Variants in CELF2 observed in about 807,000 individuals in gnomAD.
The protein encoded by CELF2 is CUGBP Elav-like family member 2.
Under a neutral mutation model 62.6 loss-of-function variants are expected in CELF2, and 8 were observed. The observed-to-expected ratio is 0.13, with a 90% confidence interval of 0.07 to 0.23. The LOEUF (loss-of-function observed/expected upper bound fraction) is 0.23. CELF2 is among the 10% of genes least tolerant of loss of function. The pLI is 1.00. For missense variants in CELF2, 333 were observed against 671.0 expected, an observed-to-expected ratio of 0.50 and a Z score of 5.56; for synonymous variants, 258 against 250.0, an observed-to-expected ratio of 1.03 and a Z score of -0.30.
chr10:10,605,930 G>C, the CELF2 span, among the ~76,000 whole-genome samples: 1 of 152,200 alleles, frequency 6.6e-6, no homozygotes, highest in Non-Finnish European at 1.5e-5. Flanking sequence ...AGAAGCATTT[G>C]CATCATGTGC....
At position 11,156,152 on chromosome 10, in the gene CELF2, C is replaced by G. The variant is rs2064334697; in HGVS notation, c.75-9334C>G. ...AGGATAGCCAGAATCAGGACAGTGGCTGTTCAGGGACAAGTGGACCCAGCG... is the reference window on the plus strand; with the variant it reads ...AGGATAGCCAGAATCAGGACAGTGGGTGTTCAGGGACAAGTGGACCCAGCG... On this transcript the variant is annotated intron_variant, in intron 1 of 12. Transcript: ENST00000633077. The surrounding 1 kb of genome is among the most constrained non-coding windows in gnomAD (Gnocchi z 4.3). 2.6e-5 allele frequency among the ~76,000 whole-genome samples: 4 copies of G among 152,120 alleles called. No homozygotes were observed. Among genetic ancestry groups the G allele is most frequent in the African/African-American group, 9.7e-5 (4 of 41,416 alleles).
chr10:11,009,373 G>A (rs868130300), intron 1 of CELF2, among the ~76,000 whole-genome samples: 6 of 151,964 alleles, frequency 3.9e-5, no homozygotes, highest in South Asian at 2.1e-4. Flanking sequence ...GCGTGCGCGC[G>A]TCGGAACCTC....
chr10:10,713,778 T>A, the CELF2 span, among the ~76,000 whole-genome samples: 1 of 152,220 alleles, frequency 6.6e-6, no homozygotes, highest in Admixed American at 6.5e-5. Context: ...CTCATGCCTG[T>A]ATTCCCAGCA....
At chr10:10,812,332 C>G (rs1264003600) in intron 1 of CELF2, among the ~76,000 whole-genome samples, 1 of 152,132 alleles carries the variant, frequency 6.6e-6, no homozygotes. Context: ...GAAACTGCCC[C>G]CATGATTCAA....
chr10:10,607,261 A>G, the CELF2 span, among the ~76,000 whole-genome samples: 1 of 152,178 alleles, frequency 6.6e-6, no homozygotes, highest in African/African-American at 2.4e-5. Flanking sequence ...TTTGTTCAGG[A>G]ATTTCATTTT....
At chr10:10,464,776 A>C in the CELF2 span, among the ~76,000 whole-genome samples, 2 of 152,208 alleles carry the variant, frequency 1.3e-5, no homozygotes, top group Non-Finnish European at 2.9e-5. Flanking sequence ...TGCTGTAGTT[A>C]AAATGATGCT....
chr10:10,534,195 C>T, the CELF2 span, among the ~76,000 whole-genome samples: 2 of 131,710 alleles, frequency 1.5e-5, no homozygotes, highest in East Asian at 2.2e-4. Flanking sequence ...AAGCCAGATT[C>T]GAAGAGGTGA....
intron 1 of CELF2, among the ~76,000 whole-genome samples, chr10:11,129,997 C>T (rs1034764296): frequency 6.6e-6 from 1 of 152,190 alleles, no homozygotes; most frequent in African/African-American, 2.4e-5. Flanking sequence ...CCTGCTTTCT[C>T]TTGTGGGCAT....
At chr10:11,108,194 C>T (rs917512138) in intron 1 of CELF2, among the ~76,000 whole-genome samples, 4 of 144,128 alleles carry the variant, frequency 2.8e-5, no homozygotes, top group Admixed American at 7.3e-5. Flanking sequence ...ATTTTGTTTT[C>T]CCCACAGCCC....
the CELF2 span, among the ~76,000 whole-genome samples, chr10:10,748,703 G>A: frequency 3.5e-3 from 478 of 138,022 alleles, 3 homozygotes; most frequent in African/African-American, 0.012. Context: ...AGCCGAGGTT[G>A]TGCCACTACA....
the CELF2 span, among the ~76,000 whole-genome samples, chr10:10,672,650 T>C: frequency 6.6e-6 from 1 of 152,166 alleles, no homozygotes; most frequent in Non-Finnish European, 1.5e-5. Flanking sequence ...GGTCTATTGA[T>C]CTATTTATTT....
intron 1 of CELF2, among the ~76,000 whole-genome samples, chr10:11,056,389 G>A (rs915948078): frequency 6.6e-6 from 1 of 152,164 alleles, no homozygotes; most frequent in Non-Finnish European, 1.5e-5. Flanking sequence ...AGCTTGCTCT[G>A]TAGTTGATAA....
At chr10:10,918,980 CAA>C (rs914727924) in intron 1 of CELF2, among the ~76,000 whole-genome samples, 4 of 152,064 alleles carry the variant, frequency 2.6e-5, no homozygotes, top group Non-Finnish European at 4.4e-5. Flanking sequence ...GATTGAAAGA[CAA>C]GAGATGGGCC....
chr10:10,929,976 A>T (rs1463837118), intron 2 of CELF2, among the ~76,000 whole-genome samples: 2 of 152,254 alleles, frequency 1.3e-5, no homozygotes, highest in Admixed American at 1.3e-4. Context: ...ACTTAAAGGA[A>T]GTATATATGC....
At chr10:10,726,710 C>T in the CELF2 span, among the ~76,000 whole-genome samples, 3 of 152,140 alleles carry the variant, frequency 2.0e-5, no homozygotes, top group Non-Finnish European at 4.4e-5. Flanking sequence ...TAGTTTCCTA[C>T]CTTTATAAGC....
intron 1 of CELF2, among the ~76,000 whole-genome samples, chr10:10,871,775 C>T (rs1160973594): frequency 6.6e-6 from 1 of 152,100 alleles, no homozygotes; most frequent in East Asian, 1.9e-4. Context: ...ATGGGCTTTC[C>T]AGGGACCACT....
At position 11,300,820 on chromosome 10, in the gene CELF2, G is replaced by A. The variant is rs1223772399; in HGVS notation, c.976+12268G>A. On this transcript the variant is annotated intron_variant, in intron 9 of 12. Coordinates refer to ENST00000633077, the MANE Select transcript of CELF2 (RefSeq NM_001326342.2). This position sits in a 1 kb window ranked among gnomAD's most constrained non-coding sequence, Gnocchi z 5.5. ...CTGAGTATGTTTGGTCAATGCAGGC[G>A]ATTTTCTCCGTGTTTACAATGATTT... is the stretch of plus-strand genomic sequence containing the variant. 6.6e-6 allele frequency among the ~76,000 whole-genome samples: 1 copy of A among 152,248 alleles called. No homozygotes were observed. The highest frequency in any genetic ancestry group is 1.9e-4 in the East Asian group (1 of 5,178).
the CELF2 span, among the ~76,000 whole-genome samples, chr10:10,508,910 G>A: frequency 3.3e-5 from 5 of 152,044 alleles, no homozygotes; most frequent in South Asian, 2.1e-4. Flanking sequence ...TCCTGACCTC[G>A]TGATCCACTC....
the CELF2 span, among the ~76,000 whole-genome samples, chr10:10,686,981 C>G: frequency 3.9e-4 from 60 of 152,318 alleles, no homozygotes; most frequent in Middle Eastern, 3.4e-3. Flanking sequence ...TACCTAAATT[C>G]CTGATCTCTG....
Sources: allele counts gnomAD v4.1 joint callset (sites outside exome capture counted in the v4.1 genomes callset), GRCh38; gene constraint gnomAD v4.1.1; non-coding constraint Gnocchi (gnomAD v3.1); transcripts MANE v1.5; gene names NCBI Gene and HGNC (gene_info 2026-07-23, HGNC 2026-07-21).